The following PDE4B variants were observed in gnomAD, a reference collection of about 807,000 sequenced individuals.
The protein encoded by PDE4B is phosphodiesterase 4B, also known as 3',5'-cyclic-AMP phosphodiesterase 4B.
PDE4B carries 20 observed loss-of-function variants against 82.2 expected under a neutral mutation model. That is an observed-to-expected ratio of 0.24 (90% confidence interval 0.17 to 0.35). The LOEUF (loss-of-function observed/expected upper bound fraction) is 0.35, where lower values mean the gene tolerates loss of function less well. PDE4B is among the 10% of genes least tolerant of loss of function. The pLI is 1.00. For missense variants in PDE4B, 655 were observed against 907.2 expected (o/e 0.72, Z 3.57); for synonymous variants, 320 against 318.9 (o/e 1.00, Z -0.04).
At chr1:66,079,025 G>T (rs972529335) in intron 3 of PDE4B, among the ~76,000 whole-genome samples, 4 of 151,990 alleles carry the variant, frequency 2.6e-5, no homozygotes, top group African/African-American at 9.7e-5. Context: ...GATAAAAAAT[G>T]GGATGGATTT....
intron 1 of PDE4B, among the ~76,000 whole-genome samples, chr1:65,884,324 T>C (rs1215150760): frequency 2.6e-5 from 4 of 152,174 alleles, no homozygotes; most frequent in African/African-American, 7.2e-5. Context: ...AATTATTGCC[T>C]CAATTTGAGA....
chr1:65,877,351 C>T (rs1194909307), intron 1 of PDE4B, among the ~76,000 whole-genome samples: 2 of 152,154 alleles, frequency 1.3e-5, no homozygotes, highest in African/African-American at 2.4e-5. Context: ...TGCAGTGGCT[C>T]ACGCCTGTAA....
chr1:66,050,195 T>C (rs1393057414), intron 3 of PDE4B, among the ~76,000 whole-genome samples: 1 of 152,070 alleles, frequency 6.6e-6, no homozygotes. Context: ...CTATGTTCAA[T>C]TGGAAATATA....
At chr1:66,371,636 C>A (rs979526265) in intron 16 of PDE4B, among the ~76,000 whole-genome samples, 3 of 152,232 alleles carry the variant, frequency 2.0e-5, no homozygotes, top group Admixed American at 2.0e-4. Flanking sequence ...TGGATGTCCA[C>A]CGAGGGGATA....
intron 3 of PDE4B, among the ~76,000 whole-genome samples, chr1:66,033,177 G>A (rs1653884449): frequency 6.6e-6 from 1 of 152,140 alleles, no homozygotes; most frequent in Admixed American, 6.5e-5. Context: ...ATGTGTTTAT[G>A]TATGTGGTTT....
intron 7 of PDE4B, among the ~76,000 whole-genome samples, chr1:66,317,468 C>A (rs1221692752): frequency 6.6e-6 from 1 of 152,214 alleles, no homozygotes; most frequent in Non-Finnish European, 1.5e-5. Context: ...ATTAAACTGT[C>A]AGGCCCCACA....
At chr1:65,836,960 G>A (rs1045542803) in intron 1 of PDE4B, among the ~76,000 whole-genome samples, 2 of 152,108 alleles carry the variant, frequency 1.3e-5, no homozygotes, top group Admixed American at 6.6e-5. Flanking sequence ...GAGGATTCCA[G>A]AACTCAGGGA....
chr1:65,967,024 A>G (rs904603256), intron 3 of PDE4B, among the ~76,000 whole-genome samples: 3 of 152,222 alleles, frequency 2.0e-5, no homozygotes, highest in Non-Finnish European at 2.9e-5. Flanking sequence ...AACAAAAGCC[A>G]AAATTGACAA....
At chr1:65,949,171 A>G (rs1648866661) in intron 3 of PDE4B, among the ~76,000 whole-genome samples, 1 of 151,988 alleles carries the variant, frequency 6.6e-6, no homozygotes, top group South Asian at 2.1e-4. Flanking sequence ...GGAACCCACT[A>G]CCATAACAAT....
chr1:66,078,985 T>C (rs1425830505), intron 3 of PDE4B, among the ~76,000 whole-genome samples: 3 of 152,100 alleles, frequency 2.0e-5, no homozygotes, highest in Non-Finnish European at 4.4e-5. Context: ...ATTCAGGAAA[T>C]ACATGTAGAT....
At chr1:66,245,227 G>A (rs1426743805) in intron 3 of PDE4B, among the ~76,000 whole-genome samples, 1 of 152,058 alleles carries the variant, frequency 6.6e-6, no homozygotes, top group Non-Finnish European at 1.5e-5. Context: ...GACCCTGGAG[G>A]GCCTGGGGCA....
chr1:66,099,420 A>G (rs1014934670), intron 3 of PDE4B, among the ~76,000 whole-genome samples: 1 of 152,186 alleles, frequency 6.6e-6, no homozygotes, highest in African/African-American at 2.4e-5. Flanking sequence ...ATAGTGCTTC[A>G]GTGAACATAT....
chr1:66,003,087 A>G (rs1651954353), intron 3 of PDE4B, among the ~76,000 whole-genome samples: 1 of 152,090 alleles, frequency 6.6e-6, no homozygotes, highest in Admixed American at 6.6e-5. Context: ...TTTGAAAAGC[A>G]TCAGTATGTA....
At chr1:66,290,759 T>C (rs1183412856) in intron 7 of PDE4B, among the ~76,000 whole-genome samples, 1 of 152,190 alleles carries the variant, frequency 6.6e-6, no homozygotes, top group Non-Finnish European at 1.5e-5. Flanking sequence ...TGTACTTTCA[T>C]GAAGCTGCCT....
chr1:65,883,670 C>G (rs975886220), intron 1 of PDE4B, among the ~76,000 whole-genome samples: 59 of 152,110 alleles, frequency 3.9e-4, no homozygotes, highest in Admixed American at 3.9e-4. Flanking sequence ...CCTAATTGCC[C>G]TGGCCAGAAC....
chr1:65,879,975 G>T (rs1213861557), intron 1 of PDE4B, among the ~76,000 whole-genome samples: 2 of 152,144 alleles, frequency 1.3e-5, no homozygotes, highest in East Asian at 3.9e-4. Context: ...CAGTTGGCTT[G>T]CCTTCCCCAA....
intron 1 of PDE4B, among the ~76,000 whole-genome samples, chr1:65,887,181 TCCC>T (rs1488048852): frequency 1.7e-5 from 2 of 115,784 alleles, no homozygotes; most frequent in Non-Finnish European, 3.5e-5. Flanking sequence ...CCTCCCTCCC[TCCC>T]TTTTTCTTTC....
chr1:66,287,498 A>G (rs1270976677), intron 7 of PDE4B, among the ~76,000 whole-genome samples: 1 of 152,158 alleles, frequency 6.6e-6, no homozygotes, highest in Admixed American at 6.6e-5. Context: ...CCTCTTGGTG[A>G]AACAGGAGGA....
At position 66,361,809 on chromosome 1, in the gene PDE4B, G is replaced by A; in HGVS notation, c.1020+16G>A. ...CCTGGCCAAGGTGTGTATAAGCTCA[G>A]GTTTTGTGCATGTAGCTCTCTGCTT... On this transcript the variant is annotated intron_variant, in intron 10 of 16. Transcript: ENST00000341517. The A allele has an allele frequency of 6.3e-7, 1 of 1,597,726 alleles. No homozygotes were observed. Among genetic ancestry groups the A allele is most frequent in the South Asian group, 1.1e-5 (1 of 89,558 alleles).
Sources: gnomAD v4.1 joint callset for allele counts (sites outside exome capture counted in the v4.1 genomes callset) on GRCh38, gnomAD v4.1.1 for gene constraint, MANE v1.5 for transcripts, NCBI Gene and HGNC (gene_info 2026-07-23, HGNC 2026-07-21) for gene names.